KMO: variants seen among roughly 807,000 people sequenced by gnomAD.
KMO encodes the protein kynurenine 3-monooxygenase.
Under a neutral mutation model 57.8 loss-of-function variants are expected in KMO, and 24 were observed. The ratio of observed to expected loss-of-function variants is 0.42; its 90% CI spans 0.30 to 0.58. The LOEUF is 0.58. KMO is among the 20% of genes least tolerant of loss of function. The probability of loss-of-function intolerance (pLI) is 0.22; values close to 1 mark genes in which losing one functional copy is unlikely to be tolerated. For synonymous variants in KMO, 210 were observed against 193.6 expected (o/e 1.08, Z -0.70); for missense variants, 483 against 588.2 (o/e 0.82, Z 1.85).
At chr1:241,560,083 A>C (rs1661781026) in intron 5 of KMO, among the ~76,000 whole-genome samples, 2 of 152,218 alleles carry the variant, frequency 1.3e-5, no homozygotes, top group Admixed American at 1.3e-4. Context: ...AATTCTCTAG[A>C]GTGCTAGCAG....
intron 10 of KMO, among the ~76,000 whole-genome samples, chr1:241,585,911 T>C (rs1221654083): frequency 6.6e-6 from 1 of 152,086 alleles, no homozygotes; most frequent in East Asian, 1.9e-4. Flanking sequence ...TTTGTGGACT[T>C]CTTAATATTG....
intron 7 of KMO, among the ~76,000 whole-genome samples, chr1:241,563,722 T>C (rs6686493): frequency 0.28 from 42,599 of 152,048 alleles, 6,395 homozygotes; most frequent in East Asian, 0.4. Context: ...TAATTGATGG[T>C]TTTAAAAAAT....
At chr1:241,532,654 T>A (rs908559344) in intron 1 of KMO, among the ~76,000 whole-genome samples, 156 bp downstream of exon 1, 10 of 152,222 alleles carry the variant, frequency 6.6e-5, no homozygotes, top group African/African-American at 2.4e-4. Context: ...TTAATATTTT[T>A]ATTTTCATAG....
Position 241,594,752 on chromosome 1 carries a change from C to T in KMO, c.*2599C>T, listed in dbSNP as rs1173780312. The T allele has an allele frequency of 2.6e-6, 4 of 1,557,930 alleles. No homozygotes were observed. The highest frequency in any genetic ancestry group is 3.5e-6 in the Non-Finnish European group (4 of 1,149,916). ...AAAGTTGGGCACTAATCTGGATTAA[C>T]ATTCGAGGAAATCAGTTGAGCTGAA... On this transcript the variant is annotated 3_prime_UTR_variant, in exon 15 of 15. Transcript: ENST00000366559.
At position 241,594,950 on chromosome 1, in the gene KMO, C is replaced by T. The variant is rs546396765; in HGVS notation, c.*2797C>T. The stretch of plus-strand genomic sequence containing the variant: ...AATCCTCCAAGCTTCAATCTGCACA[C>T]ACTTTCTATGAGGGCAGGTACAACT... On this transcript the variant is annotated 3_prime_UTR_variant, in exon 15 of 15. Transcript: ENST00000366559. 3.0e-5 allele frequency: 12 copies of T among 400,128 alleles called. No homozygotes were observed. The East Asian group carries it at 5.3e-4, about 18-fold the overall frequency. The allele number at this position is 400,128 out of a possible 1,614,324, so 24.8% of individuals were successfully genotyped here. A position where few individuals can be genotyped will look rare whatever the true frequency, so the allele number is the denominator to read the frequency against.
At chr1:241,552,395 CTCAG>C (rs1387701178) in intron 4 of KMO, among the ~76,000 whole-genome samples, 2 of 152,088 alleles carry the variant, frequency 1.3e-5, no homozygotes, top group African/African-American at 2.4e-5. Flanking sequence ...ACTTTTATAT[CTCAG>C]TCAAATATGG....
chr1:241,558,280 G>C (rs2147957160), intron 5 of KMO, among the ~76,000 whole-genome samples: 1 of 152,346 alleles, frequency 6.6e-6, no homozygotes, highest in South Asian at 2.1e-4. Context: ...GGAATGTGCT[G>C]CATGGCACAC....
chr1:241,541,458 T>C (rs545321266), intron 1 of KMO, among the ~76,000 whole-genome samples: 4 of 152,258 alleles, frequency 2.6e-5, no homozygotes, highest in South Asian at 2.1e-4. Context: ...CTTTTAGCTA[T>C]GTTGAGAGGG....
chr1:241,537,209 C>T (rs1183709089), intron 1 of KMO, among the ~76,000 whole-genome samples: 3 of 152,280 alleles, frequency 2.0e-5, no homozygotes, highest in Non-Finnish European at 2.9e-5. Context: ...AATTCTACTG[C>T]TTCTTTTTCA....
At chr1:241,591,828 T>G (rs1573945122) in intron 14 of KMO, 125 bp from the exon 15 acceptor site, 1 of 736,274 alleles carries the variant, frequency 1.4e-6, no homozygotes, top group African/African-American at 1.8e-5. Context: ...GTCATGCAAG[T>G]AAATTGTTGT....
chr1:241,549,671 T>C lies in KMO; in HGVS notation c.125-6T>C, dbSNP rs373004420. ...CGTAACATGGAGTCTGCTTCCAATG[T>C]CTCAGATACTCGAGTGGCTACCTTC... On this transcript the variant is annotated splice_region_variant and splice_polypyrimidine_tract_variant and intron_variant, in intron 2 of 14. Coordinates refer to ENST00000366559, the MANE Select transcript of KMO (RefSeq NM_003679.5). 57 of 1,597,728 alleles carry C rather than the reference T, an allele frequency of 3.6e-5. No individual in the cohort carries two copies. In the Middle Eastern group the frequency reaches 9.9e-4, roughly 28 times the overall value.
intron 2 of KMO, 29 bp from the exon 3 acceptor site, chr1:241,549,648 T>C: frequency 6.9e-7 from 1 of 1,453,354 alleles, no homozygotes; most frequent in East Asian, 2.3e-5. Context: ...AAAGTGTGCG[T>C]AACATGGAGT....
chr1:241,558,543 T>C (rs566134889), intron 5 of KMO, among the ~76,000 whole-genome samples: 157 of 152,344 alleles, frequency 1.0e-3, no homozygotes, highest in Non-Finnish European at 1.7e-3. Flanking sequence ...TCATCTGCTA[T>C]TCTGTGAGAT....
Position 241,594,560 on chromosome 1 carries a change from C to A in KMO, c.*2407C>A, listed in dbSNP as rs1663438899. 6.2e-7 allele frequency: 1 copy of A among 1,613,982 alleles called. No homozygotes were observed. Among genetic ancestry groups the A allele is most frequent in the African/African-American group, 1.3e-5 (1 of 74,900 alleles). ...AGTTGAAAGTCACTTTTTTCTTTGGCCTGTCCCCATCTTTCTGTGACATCA... is the reference window on the plus strand; with the variant it reads ...AGTTGAAAGTCACTTTTTTCTTTGGACTGTCCCCATCTTTCTGTGACATCA... On this transcript the variant is annotated 3_prime_UTR_variant, in exon 15 of 15. Transcript: ENST00000366559.
rs372550415 is a variant in KMO, at chr1:241,549,369, A to T, written c.125-308A>T. ...GAAAGAAAGATAGAAGGAAAGAAAG[A>T]TAGAAAGAAAGAAAAAGAATTGCAG... On this transcript the variant is annotated intron_variant, in intron 2 of 14. Coordinates refer to ENST00000366559, the MANE Select transcript of KMO (RefSeq NM_003679.5). 6.1e-5 allele frequency among the ~76,000 whole-genome samples: 9 copies of T among 148,598 alleles called. 1 individual carries two copies. Among genetic ancestry groups the T allele is most frequent in the African/African-American group, 2.3e-4 (9 of 38,304 alleles).
chr1:241,584,620 C>T (rs989609737), intron 10 of KMO, among the ~76,000 whole-genome samples: 22 of 152,242 alleles, frequency 1.4e-4, no homozygotes, highest in African/African-American at 4.6e-4. Context: ...AAAAGTTGAA[C>T]ATTCATTTCA....
At chr1:241,567,487 A>C (rs1247512832) in intron 9 of KMO, among the ~76,000 whole-genome samples, 2 of 152,170 alleles carry the variant, frequency 1.3e-5, no homozygotes, top group Non-Finnish European at 2.9e-5. Context: ...CCCCATCTCC[A>C]AATACCATCA....
intron 10 of KMO, among the ~76,000 whole-genome samples, chr1:241,570,305 T>G (rs1460460419): frequency 6.6e-6 from 1 of 152,072 alleles, no homozygotes; most frequent in African/African-American, 2.4e-5. Flanking sequence ...GTCTGTTTTT[T>G]GCTTTGGCTG....
At chr1:241,582,991 A>G (rs1231907963) in intron 10 of KMO, among the ~76,000 whole-genome samples, 2 of 152,310 alleles carry the variant, frequency 1.3e-5, no homozygotes, top group East Asian at 3.9e-4. Context: ...CTGTATCAGT[A>G]CTAGGAGGTG....
Sources: gnomAD v4.1 joint callset for allele counts (sites outside exome capture counted in the v4.1 genomes callset) on GRCh38, gnomAD v4.1.1 for gene constraint, MANE v1.5 for transcripts, NCBI Gene and HGNC (gene_info 2026-07-23, HGNC 2026-07-21) for gene names.